The following CFTR variants were observed in gnomAD, a reference collection of about 807,000 sequenced individuals.
CFTR encodes cystic fibrosis transmembrane conductance regulator.
In CFTR, 181 loss-of-function variants were observed where a neutral mutation model predicts 171.6. The observed-to-expected ratio is 1.05, with a 90% CI of 0.93 to 1.19. CFTR has a LOEUF of 1.19. CFTR is among the 50% of genes most tolerant of loss of function. The probability of loss-of-function intolerance (pLI) is 0.00; values close to 1 mark genes in which losing one functional copy is unlikely to be tolerated. For synonymous variants in CFTR, 583 were observed against 608.0 expected, an observed-to-expected ratio of 0.96 and a Z score of 0.60; for missense variants, 1,968 against 1,734.7, an observed-to-expected ratio of 1.13 and a Z score of -2.39.
intron 6 of CFTR, among the ~76,000 whole-genome samples, 174 bp from the exon 7 acceptor site, chr7:117,536,374 G>A (rs968521472): frequency 1.3e-5 from 2 of 152,182 alleles, no homozygotes; most frequent in African/African-American, 2.4e-5. Flanking sequence ...CTGGCACATA[G>A]GAGGCATTTA....
chr7:117,610,641 A>G lies in CFTR; in HGVS notation c.3111A>G (p.Ser1037=). The part of the protein sequence containing the change: ...IMLRAYFLQT[S]QQLKQLESEG... ...TGAGAGCATATTTCCTCCAAACCTC[A>G]CAGCAACTCAAACAACTGGAATCTG... The change falls in exon 19 of 27, where the codon TCA becomes TCG. Residue 1037 remains serine, a synonymous_variant. Transcript: ENST00000003084. 1.2e-6 allele frequency: 2 copies of G among 1,613,466 alleles called. No individual in the cohort carries two copies. Among genetic ancestry groups the G allele is most frequent in the African/African-American group, 1.3e-5 (1 of 74,998 alleles).
chr7:117,482,374 A>G (rs1452150822), intron 1 of CFTR, among the ~76,000 whole-genome samples: 1 of 152,146 alleles, frequency 6.6e-6, no homozygotes, highest in Non-Finnish European at 1.5e-5. Flanking sequence ...AAAACCAAAA[A>G]GTTTGGAAAA....
chr7:117,517,888 T>A (rs1263164645), intron 3 of CFTR, among the ~76,000 whole-genome samples: 1 of 152,210 alleles, frequency 6.6e-6, no homozygotes, highest in African/African-American at 2.4e-5. Flanking sequence ...CTTTCCCCAC[T>A]TTTTGATGGG....
At chr7:117,523,700 G>A (rs1421931984) in intron 3 of CFTR, among the ~76,000 whole-genome samples, 1 of 152,130 alleles carries the variant, frequency 6.6e-6, no homozygotes, top group Admixed American at 6.5e-5. Context: ...TTTTTAAAAA[G>A]GCATTCCACT....
chr7:117,481,105 G>T (rs1797994587), intron 1 of CFTR, among the ~76,000 whole-genome samples: 1 of 152,140 alleles, frequency 6.6e-6, no homozygotes, highest in Non-Finnish European at 1.5e-5. Context: ...GTGTGTAGGG[G>T]GGAAGGAATT....
chr7:117,667,116 C>T lies in CFTR; in HGVS notation c.*8C>T. On this transcript the variant is annotated 3_prime_UTR_variant, in exon 27 of 27. Transcript: ENST00000003084. ...CAAGATACAAGGCTTTAGAGAGCAG[C>T]ATAAATGTTGACATGGGACATTTGC... 1 of 1,612,568 alleles carries T rather than the reference C, an allele frequency of 6.2e-7. No individual in the cohort carries two copies. Among genetic ancestry groups the T allele is most frequent in the Non-Finnish European group, 8.5e-7 (1 of 1,178,920 alleles).
At chr7:117,637,754 A>G (rs1282136765) in intron 22 of CFTR, among the ~76,000 whole-genome samples, 13 of 152,034 alleles carry the variant, frequency 8.6e-5, no homozygotes, top group Admixed American at 8.5e-4. Context: ...GCACACACCT[A>G]TAATCCCAGC....
chr7:117,497,107 G>A (rs963200967), intron 1 of CFTR, among the ~76,000 whole-genome samples: 35 of 152,046 alleles, frequency 2.3e-4, no homozygotes, highest in Admixed American at 2.0e-4. Context: ...TTGGATACAT[G>A]TGTAGGCTTT....
chr7:117,550,608 G>C (rs943128275), intron 10 of CFTR, among the ~76,000 whole-genome samples: 9 of 152,122 alleles, frequency 5.9e-5, no homozygotes, highest in African/African-American at 1.9e-4. Context: ...TTTATGAAAA[G>C]GTAGTAATTG....
At chr7:117,485,208 T>C (rs961635772) in intron 1 of CFTR, among the ~76,000 whole-genome samples, 2 of 152,212 alleles carry the variant, frequency 1.3e-5, no homozygotes, top group Non-Finnish European at 2.9e-5. Context: ...ATAAGTATAG[T>C]ATTGCAAAAC....
chr7:117,578,186 G>GT (rs1289871340), intron 11 of CFTR, among the ~76,000 whole-genome samples: 2 of 151,610 alleles, frequency 1.3e-5, no homozygotes, highest in Non-Finnish European at 2.9e-5. Flanking sequence ...CCACTTACAC[G>GT]TATTTTTTTT....
rs770359007 is a variant in CFTR at position 117,603,533 on chromosome 7, A to C, written c.2659A>C (p.Thr887Pro). ...AACGATTTCCTATTTGCTTTACAGC[A>C]CTCCTCTTCAAGACAAAGGGAATAG... ...SLVVLWLLGN[T>P]PLQDKGNSTH... The change falls in exon 17 of 27, where the codon ACT becomes CCT. Residue 887 changes from threonine to proline, a missense_variant and splice_region_variant. Coordinates refer to ENST00000003084, the MANE Select transcript of CFTR (RefSeq NM_000492.4). 8 of 1,613,856 alleles carry C rather than the reference A, an allele frequency of 5.0e-6. No homozygotes were observed. The Admixed American group carries it at 1.2e-4, about 24-fold the overall frequency.
intron 9 of CFTR, among the ~76,000 whole-genome samples, chr7:117,545,740 A>G (rs752862590): frequency 6.6e-6 from 1 of 152,162 alleles, no homozygotes; most frequent in Non-Finnish European, 1.5e-5. Flanking sequence ...CAGAGCTAAA[A>G]TGTCAGGCTA....
chr7:117,502,919 T>C (rs1047831756), intron 1 of CFTR, among the ~76,000 whole-genome samples: 1 of 152,214 alleles, frequency 6.6e-6, no homozygotes, highest in African/African-American at 2.4e-5. Context: ...CTTAGAGCCC[T>C]AATTCAGTTA....
intron 20 of CFTR, among the ~76,000 whole-genome samples, chr7:117,612,571 C>T (rs1189503865): frequency 1.3e-5 from 2 of 151,902 alleles, no homozygotes; most frequent in African/African-American, 2.4e-5. Flanking sequence ...GAAATAACTT[C>T]TTATATGTGA....
At chr7:117,661,700 A>G (rs1215321860) in intron 24 of CFTR, among the ~76,000 whole-genome samples, 1 of 152,190 alleles carries the variant, frequency 6.6e-6, no homozygotes, top group Non-Finnish European at 1.5e-5. Context: ...GGAGTTGCCC[A>G]GGCTCCAATA....
intron 22 of CFTR, among the ~76,000 whole-genome samples, chr7:117,641,610 A>G (rs1383348683): frequency 1.3e-5 from 2 of 152,112 alleles, no homozygotes; most frequent in African/African-American, 2.4e-5. Context: ...GTAGTGTTCT[A>G]CCTTGCTCAA....
chr7:117,592,049 G>C lies in CFTR; in HGVS notation c.1882G>C (p.Gly628Arg), dbSNP rs397508316. 3 of 1,605,262 alleles carry C rather than the reference G, an allele frequency of 1.9e-6. No homozygotes were observed. Among genetic ancestry groups the C allele is most frequent in the Non-Finnish European group, 2.5e-6 (3 of 1,176,676 alleles). ...ILHEGSSYFY[G>R]TFSELQNLQP... ...GCATGAAGGTAGCAGCTATTTTTAT[G>C]GGACATTTTCAGAACTCCAAAATCT... The change falls in exon 14 of 27, where the codon GGG (glycine) becomes CGG (arginine). Residue 628 changes from glycine (G) to arginine (R), a missense_variant. Physicochemically the swap from Gly to Arg is moderately radical, Grantham distance 125 (BLOSUM62 -2). Coordinates refer to ENST00000003084, the MANE Select transcript of CFTR (RefSeq NM_000492.4).
At chr7:117,536,486 A>G in intron 6 of CFTR, 62 bp from the exon 7 acceptor site, 1 of 1,486,868 alleles carries the variant, frequency 6.7e-7, no homozygotes, top group Non-Finnish European at 9.1e-7. Flanking sequence ...GCAGTTCTTA[A>G]TAGATAATTT....
Sources: allele counts gnomAD v4.1 joint callset (sites outside exome capture counted in the v4.1 genomes callset), GRCh38; gene constraint gnomAD v4.1.1; transcripts MANE v1.5; gene names NCBI Gene and HGNC (gene_info 2026-07-23, HGNC 2026-07-21).